The following SPOCK3 variants were observed in gnomAD, a reference collection of about 807,000 sequenced individuals.
The protein encoded by SPOCK3 is testican-3.
A neutral mutation model predicts 56.6 loss-of-function variants in SPOCK3; 30 were observed. That is an observed-to-expected ratio of 0.53 (90% CI 0.40 to 0.72). The LOEUF is 0.72. Among genes scored for constraint, SPOCK3 ranks in the 30% least tolerant of loss-of-function variants. SPOCK3 has a pLI of 0.00. For synonymous variants in SPOCK3, 196 were observed against 183.3 expected (o/e 1.07, Z -0.56); for missense variants, 527 against 530.0 (o/e 0.99, Z 0.06).
At chr4:167,041,225 C>A (rs970016797) in intron 3 of SPOCK3, among the ~76,000 whole-genome samples, 3 of 152,056 alleles carry the variant, frequency 2.0e-5, no homozygotes, top group African/African-American at 7.2e-5. Context: ...ATAAACATGG[C>A]AACAGAATAA....
At chr4:167,095,768 A>AATAT (rs144112827) in intron 2 of SPOCK3, among the ~76,000 whole-genome samples, 139 of 149,390 alleles carry the variant, frequency 9.3e-4, no homozygotes, top group African/African-American at 3.2e-3. Flanking sequence ...TAAAAATCTG[A>AATAT]ATATATATAT....
Position 167,149,840 on chromosome 4 carries a change from TGTATATATATATATATACAC to T in SPOCK3, c.189+84125_189+84144del, listed in dbSNP as rs960069199. On this transcript the variant is annotated intron_variant, in intron 2 of 10. Transcript: ENST00000357545. ...TATATATATGGTGTGTATATATATA[TGTATATATATATATATACAC>T]ACACATATACTAAAAGTATAGATGC... is the stretch of plus-strand genomic sequence containing the variant. Among the ~76,000 whole-genome samples, 19 of 1,714 alleles carry T rather than the reference TGTATATATATATATATACAC, an allele frequency of 0.011. No individual in the cohort carries two copies. The South Asian group carries it at 0.27, about 24-fold the overall frequency. 1.1% of individuals were successfully genotyped at this position (1,714 alleles called of 152,430 possible). A position where few individuals can be genotyped will look rare whatever the true frequency, so the allele number is the denominator to read the frequency against.
At chr4:167,059,984 T>A (rs1166397632) in intron 3 of SPOCK3, among the ~76,000 whole-genome samples, 2 of 149,206 alleles carry the variant, frequency 1.3e-5, no homozygotes, top group Admixed American at 1.3e-4. Flanking sequence ...GGGGAACATC[T>A]CACTCTGGGA....
chr4:166,856,093 T>C (rs893500315), intron 6 of SPOCK3, among the ~76,000 whole-genome samples: 3 of 151,994 alleles, frequency 2.0e-5, no homozygotes, highest in African/African-American at 7.3e-5. Context: ...ATCTCATTTA[T>C]ATGTGGAGTC....
chr4:167,060,159 A>C (rs1278278632), intron 3 of SPOCK3, among the ~76,000 whole-genome samples: 2 of 151,940 alleles, frequency 1.3e-5, no homozygotes, highest in Admixed American at 1.3e-4. Context: ...AATAATAATA[A>C]AATAAAAAAA....
rs926471656 is a variant in SPOCK3, at chr4:167,234,048, T to G, written c.126A>C (p.Lys42Asn). The G allele has an allele frequency of 1.1e-5, 17 of 1,613,894 alleles. No individual in the cohort carries two copies. Among genetic ancestry groups the G allele is most frequent in the Non-Finnish European group, 1.4e-5 (16 of 1,179,992 alleles). ...ACTGAGAGATTGTGGTGAGCCATTG[T>G]TTATCATCCAGAAAATTACCGCCGT... ...RSDGGNFLDD[K>N]QWLTTISQYD... The change falls in exon 2 of 11, where the codon AAA becomes AAC. Residue 42 changes from lysine to asparagine, a missense_variant. Physicochemically the swap from Lys to Asn is moderately conservative, Grantham distance 94. Coordinates refer to ENST00000357545, the MANE Select transcript of SPOCK3 (RefSeq NM_001040159.2).
intron 7 of SPOCK3, among the ~76,000 whole-genome samples, chr4:166,764,462 T>C (rs565701082): frequency 3.3e-5 from 5 of 152,106 alleles, no homozygotes; most frequent in Non-Finnish European, 5.9e-5. Context: ...GTTCTTGCGA[T>C]AGTTTGCTGA....
At chr4:167,205,078 T>G (rs1164308945) in intron 2 of SPOCK3, among the ~76,000 whole-genome samples, 3 of 133,890 alleles carry the variant, frequency 2.2e-5, no homozygotes, top group African/African-American at 8.5e-5. Flanking sequence ...CCCACCACCG[T>G]GCCCCAATGG....
At chr4:166,959,798 T>A (rs1743934639) in intron 4 of SPOCK3, among the ~76,000 whole-genome samples, 1 of 152,102 alleles carries the variant, frequency 6.6e-6, no homozygotes, top group Admixed American at 6.6e-5. Context: ...CATTGACTAT[T>A]TTATGTGCAC....
At chr4:166,764,200 T>A (rs911022719) in intron 7 of SPOCK3, among the ~76,000 whole-genome samples, 1 of 152,160 alleles carries the variant, frequency 6.6e-6, no homozygotes, top group African/African-American at 2.4e-5. Flanking sequence ...ATATCCACTT[T>A]TTTTTTATAC....
chr4:166,792,260 C>G lies in SPOCK3; in HGVS notation c.619G>C (p.Ala207Pro), dbSNP rs148795482. 4.3e-6 allele frequency: 7 copies of G among 1,613,744 alleles called. No homozygotes were observed. Among genetic ancestry groups the G allele is most frequent in the Non-Finnish European group, 5.1e-6 (6 of 1,179,774 alleles). Residue 207 changes from alanine (A) to proline (P), a missense_variant, in exon 7 of 11, where the codon GCA (alanine) becomes CCA (proline). Physicochemically the swap from Ala to Pro is conservative, Grantham distance 27. Transcript: ENST00000357545. ...TTGAACCAGTCCCGCAATCTGTTTG[C>G]CACTTCCCTGAACTCCAGGTCACTG... ...ACSDLEFREV[A>P]NRLRDWFKAL...
rs185222991 is a variant in SPOCK3, at chr4:166,887,001, C to A, written c.589+2129G>T. The stretch of plus-strand genomic sequence containing the variant: ...GGAGGATTAGTTTAAATTCTTCTTG[C>A]CTCTCTTTCTACGCACAATTGAACA... On this transcript the variant is annotated intron_variant, in intron 6 of 10. Transcript: ENST00000357545. Among the ~76,000 whole-genome samples the A allele has an allele frequency of 7.4e-4, 113 of 152,230 alleles. 1 individual carries two copies. The highest frequency in any genetic ancestry group is 1.0e-3 in the Non-Finnish European group (71 of 68,012).
At chr4:167,022,954 T>C (rs1472017431) in intron 3 of SPOCK3, among the ~76,000 whole-genome samples, 2 of 152,060 alleles carry the variant, frequency 1.3e-5, no homozygotes, top group Admixed American at 1.3e-4. Context: ...AAATCTTTTA[T>C]AACAGTCAGC....
chr4:166,824,435 T>C (rs1206737644), intron 6 of SPOCK3, among the ~76,000 whole-genome samples: 1 of 152,102 alleles, frequency 6.6e-6, no homozygotes, highest in African/African-American at 2.4e-5. Flanking sequence ...CTTCTCTCTC[T>C]AGTATGATAA....
intron 4 of SPOCK3, among the ~76,000 whole-genome samples, chr4:166,967,941 C>T (rs1295938162): frequency 6.6e-6 from 1 of 152,110 alleles, no homozygotes; most frequent in African/African-American, 2.4e-5. Flanking sequence ...GAGGTGGTCT[C>T]AGATGGAGAT....
At chr4:166,814,720 C>G (rs948290709) in intron 6 of SPOCK3, among the ~76,000 whole-genome samples, 2 of 152,052 alleles carry the variant, frequency 1.3e-5, no homozygotes, top group Non-Finnish European at 2.9e-5. Flanking sequence ...GTGGACTGAG[C>G]CACTACTGGC....
At chr4:167,216,371 T>C (rs1735360948) in intron 2 of SPOCK3, among the ~76,000 whole-genome samples, 1 of 151,590 alleles carries the variant, frequency 6.6e-6, no homozygotes, top group African/African-American at 2.4e-5. Flanking sequence ...AGAACTATGA[T>C]TTGGGAAAAA....
intron 9 of SPOCK3, among the ~76,000 whole-genome samples, chr4:166,738,109 T>C (rs559583778): frequency 1.4e-4 from 21 of 152,276 alleles, no homozygotes; most frequent in Middle Eastern, 3.4e-3. Context: ...TCTTTACACA[T>C]TATGTCGACT....
intron 5 of SPOCK3, among the ~76,000 whole-genome samples, chr4:166,911,250 C>CTATG (rs5863847): frequency 1 from 152,195 of 152,204 alleles, 76,093 homozygotes; most frequent in Middle Eastern, 1. Context: ...CTAGTGTGTA[C>CTATG]TATGTATTTA....
Sources: gnomAD v4.1 joint callset for allele counts (sites outside exome capture counted in the v4.1 genomes callset) on GRCh38, gnomAD v4.1.1 for gene constraint, MANE v1.5 for transcripts, NCBI Gene and HGNC (gene_info 2026-07-23, HGNC 2026-07-21) for gene names.